LRP6: variants seen among roughly 807,000 people sequenced by gnomAD.
LRP6 encodes low-density lipoprotein receptor-related protein 6.
Under a neutral mutation model 184.1 loss-of-function variants are expected in LRP6, and 43 were observed. The observed-to-expected ratio is 0.23, with a 90% confidence interval of 0.18 to 0.30. LRP6 has a LOEUF of 0.30. LRP6 is among the 10% of genes least tolerant of loss of function. LRP6 has a pLI of 1.00. For synonymous variants in LRP6, 719 were observed against 684.9 expected (o/e 1.05, Z -0.78); for missense variants, 1,571 against 2,005.3 (o/e 0.78, Z 4.14).
At chr12:12,129,372 A>G (rs1010899635) in intron 19 of LRP6, among the ~76,000 whole-genome samples, 3 of 152,002 alleles carry the variant, frequency 2.0e-5, no homozygotes, top group African/African-American at 4.8e-5. Flanking sequence ...ACCTTTACCT[A>G]TGTTATCTCT....
At chr12:12,186,347 T>C (rs1316462412) in intron 4 of LRP6, among the ~76,000 whole-genome samples, 1 of 152,192 alleles carries the variant, frequency 6.6e-6, no homozygotes, top group Non-Finnish European at 1.5e-5. Flanking sequence ...TACAAAATGG[T>C]CTAGGCTATT....
At chr12:12,239,977 G>A (rs1453834007) in intron 2 of LRP6, among the ~76,000 whole-genome samples, 1 of 150,272 alleles carries the variant, frequency 6.7e-6, no homozygotes, top group Admixed American at 6.6e-5. Context: ...ACTAAAACTG[G>A]ATGAGAGTTA....
chr12:12,131,442 A>T (rs1246179632), intron 18 of LRP6, among the ~76,000 whole-genome samples: 2 of 152,180 alleles, frequency 1.3e-5, no homozygotes, highest in South Asian at 2.1e-4. Flanking sequence ...TTCACTAAAG[A>T]ATTCTAGAGA....
intron 1 of LRP6, among the ~76,000 whole-genome samples, chr12:12,263,369 A>T (rs1335543402): frequency 6.6e-6 from 1 of 151,642 alleles, no homozygotes; most frequent in African/African-American, 2.4e-5. Flanking sequence ...AGGTCAGGAG[A>T]TGGAGACCAT....
chr12:12,129,043 C>A (rs943156031), intron 19 of LRP6, among the ~76,000 whole-genome samples: 13 of 152,132 alleles, frequency 8.5e-5, no homozygotes, highest in Non-Finnish European at 1.8e-4. Context: ...TGGGTTACAA[C>A]CAGCTTTGAA....
intron 2 of LRP6, among the ~76,000 whole-genome samples, chr12:12,241,616 T>C: frequency 6.6e-6 from 1 of 152,074 alleles, no homozygotes; most frequent in Non-Finnish European, 1.5e-5. Context: ...CTGTTAAAGC[T>C]GGGGAGGGGG....
At chr12:12,171,748 T>C (rs1362239108) in intron 7 of LRP6, among the ~76,000 whole-genome samples, 1 of 152,226 alleles carries the variant, frequency 6.6e-6, no homozygotes, top group African/African-American at 2.4e-5. Context: ...TCCATTACTT[T>C]TGTAGAGGTG....
At position 12,234,429 on chromosome 12, in the gene LRP6, G is replaced by A. The variant is rs373636571; in HGVS notation, c.449+9833C>T. ...CGTGCCACTACACTCCAGCCTGGGC[G>A]ACAGAGTGAGACTCCGTCTCAAAAA... On this transcript the variant is annotated intron_variant, in intron 2 of 22. Transcript: ENST00000261349. 4.6e-5 allele frequency among the ~76,000 whole-genome samples: 7 copies of A among 151,848 alleles called. No individual in the cohort carries two copies. The East Asian group carries it at 5.8e-4, about 13-fold the overall frequency.
intron 3 of LRP6, among the ~76,000 whole-genome samples, chr12:12,200,457 G>A (rs1565638478): frequency 6.6e-6 from 1 of 152,014 alleles, no homozygotes; most frequent in Non-Finnish European, 1.5e-5. Context: ...GGAGGCTGAG[G>A]CATCTCACTG....
Position 12,204,260 on chromosome 12 carries a change from A to C in LRP6, c.450-860T>G, listed in dbSNP as rs571799474. 6.1e-5 allele frequency among the ~76,000 whole-genome samples: 9 copies of C among 147,598 alleles called. No individual in the cohort carries two copies. In the South Asian group the frequency reaches 1.6e-3, roughly 26 times the overall value. On this transcript the variant is annotated intron_variant, in intron 2 of 22. Transcript: ENST00000261349. ...ACTACAAAACAGTTGGTCTTTGACA[A>C]TATCAATGTCATAAAAGTCAAAAAA... is the stretch of plus-strand genomic sequence containing the variant.
chr12:12,249,087 A>G (rs1028136605), intron 1 of LRP6: 67 of 703,336 alleles, frequency 9.5e-5, no homozygotes, highest in Middle Eastern at 4.0e-4. Flanking sequence ...GATGGCAGTT[A>G]GCTGAGGTCT....
intron 12 of LRP6, among the ~76,000 whole-genome samples, chr12:12,156,470 T>C (rs548826622): frequency 7.9e-4 from 121 of 152,302 alleles, no homozygotes; most frequent in African/African-American, 2.6e-3. Context: ...ATGTGGGGTA[T>C]AGGTCATGTA....
chr12:12,233,325 G>A (rs906685178), intron 2 of LRP6, among the ~76,000 whole-genome samples: 5 of 152,000 alleles, frequency 3.3e-5, no homozygotes, highest in African/African-American at 7.3e-5. Context: ...AAAATTAGCC[G>A]GGCATGGTGG....
chr12:12,227,191 C>A (rs963644649), intron 2 of LRP6, among the ~76,000 whole-genome samples: 2 of 151,898 alleles, frequency 1.3e-5, no homozygotes, highest in African/African-American at 4.8e-5. Context: ...AATTCTCTAC[C>A]CTGCAAAATT....
Position 12,165,213 on chromosome 12 carries a change from T to C in LRP6, c.1628A>G (p.Asp543Gly), listed in dbSNP as rs746234610. Residue 543 changes from aspartate to glycine, a missense_variant, in exon 8 of 23, where the codon GAC (aspartate) becomes GGC (glycine). Asp to Gly is a moderately conservative substitution (Grantham distance 94). Transcript: ENST00000261349. Reference sequence around the variant, plus strand: ...CTGCCAGTCAGTCCAGTAAACATAGTCACCCAACAAAGTAAATCCAAATAT... The same window carrying C: ...CTGCCAGTCAGTCCAGTAAACATAGCCACCCAACAAAGTAAATCCAAATAT... ...PHIFGFTLLG[D>G]YVYWTDWQRR... 1.9e-6 allele frequency: 3 copies of C among 1,614,070 alleles called. No individual in the cohort carries two copies. Among genetic ancestry groups the C allele is most frequent in the Non-Finnish European group, 2.5e-6 (3 of 1,179,966 alleles).
chr12:12,181,213 T>C lies in LRP6; in HGVS notation c.1203A>G (p.Gln401=). Residue 401 remains glutamine, a synonymous_variant, in exon 6 of 23, where the codon CAA becomes CAG. Transcript: ENST00000261349. ...CAGCAATACCATCAGGATGGGCAAT[T>C]TGAGCAGTGACCACAAACTGACTGC... The part of the protein sequence containing the change: ...GSGSQFVVTA[Q]IAHPDGIAVD... The C allele has an allele frequency of 3.1e-6, 5 of 1,614,184 alleles. No individual in the cohort carries two copies. Among genetic ancestry groups the C allele is most frequent in the Non-Finnish European group, 2.5e-6 (3 of 1,180,006 alleles).
At chr12:12,167,385 T>C (rs11054718) in intron 7 of LRP6, among the ~76,000 whole-genome samples, 66,157 of 151,982 alleles carry the variant, frequency 0.44, 15,927 homozygotes, top group East Asian at 0.81. Context: ...GGCTCACGCC[T>C]GTAATCCCAG....
chr12:12,222,597 A>T (rs901096106), intron 2 of LRP6, among the ~76,000 whole-genome samples: 19 of 151,694 alleles, frequency 1.3e-4, no homozygotes, highest in African/African-American at 4.1e-4. Flanking sequence ...GAAAGAAAGA[A>T]AGATTCCATT....
rs750310189 is a variant in LRP6 at position 12,147,367 on chromosome 12, T to C, written c.3396A>G (p.Ser1132=). 6.2e-7 allele frequency: 1 copy of C among 1,614,056 alleles called. No homozygotes were observed. The highest frequency in any genetic ancestry group is 8.5e-7 in the Non-Finnish European group (1 of 1,179,936). ...TAAGGAAACATATTTCTTGGGTACC[T>C]GAGAGATCACTGCTTTCAATTCGCC... ...DLRRIESSDL[S]GANRIVLEDS... Residue 1132 remains serine (S), a splice_region_variant and synonymous_variant, in exon 15 of 23, where the codon TCA becomes TCG. Coordinates refer to ENST00000261349, the MANE Select transcript of LRP6 (RefSeq NM_002336.3).
Sources: gnomAD v4.1 joint callset for allele counts (sites outside exome capture counted in the v4.1 genomes callset) on GRCh38, gnomAD v4.1.1 for gene constraint, MANE v1.5 for transcripts, NCBI Gene and HGNC (gene_info 2026-07-23, HGNC 2026-07-21) for gene names.